Variants in GALNT6 observed in about 807,000 individuals in gnomAD.
The protein encoded by GALNT6 is polypeptide N-acetylgalactosaminyltransferase 6.
Under a neutral mutation model 65.9 loss-of-function variants are expected in GALNT6, and 51 were observed. The ratio of observed to expected loss-of-function variants is 0.77; its 90% confidence interval spans 0.62 to 0.98. GALNT6 has a LOEUF of 0.98. Among genes scored for constraint, GALNT6 ranks in the 50% least tolerant of loss-of-function variants. The pLI is 0.00. For synonymous variants in GALNT6, 323 were observed against 315.1 expected (o/e 1.02, Z -0.26); for missense variants, 708 against 803.3 (o/e 0.88, Z 1.43).
intron 11 of GALNT6, 134 bp from the exon 12 acceptor site, chr12:51,354,626 C>G: frequency 1.7e-6 from 1 of 603,352 alleles, no homozygotes; most frequent in Non-Finnish European, 2.9e-6. Context: ...CTTCCCCATT[C>G]CTTTCCTGCC....
intron 2 of GALNT6, among the ~76,000 whole-genome samples, chr12:51,385,196 C>G (rs754104219): frequency 4.5e-4 from 69 of 152,058 alleles, no homozygotes; most frequent in Non-Finnish European, 8.8e-4. Flanking sequence ...ACTATGCTGC[C>G]CAGGCTGGTC....
At chr12:51,356,764 A>G (rs1188023214) in intron 10 of GALNT6, among the ~76,000 whole-genome samples, 2 of 143,788 alleles carry the variant, frequency 1.4e-5, no homozygotes, top group African/African-American at 2.5e-5. Context: ...TTGCTAATAC[A>G]TTACTATTAA....
rs1172855125 is a variant in GALNT6, at chr12:51,352,410, T to C, written c.*1969A>G. 1 of 152,232 alleles carries C rather than the reference T, an allele frequency of 6.6e-6. No individual in the cohort carries two copies. Among genetic ancestry groups the C allele is most frequent in the African/African-American group, 2.4e-5 (1 of 41,464 alleles). 9.4% of individuals were successfully genotyped at this position (152,232 alleles called of 1,614,324 possible). A position where few individuals can be genotyped will look rare whatever the true frequency, so the allele number is the denominator to read the frequency against. ...CACTTACCTGGACTCAGTTTCATAATATGAAAATGATAGGGTTGGGCTACG... is the reference window on the plus strand; with the variant it reads ...CACTTACCTGGACTCAGTTTCATAACATGAAAATGATAGGGTTGGGCTACG... On this transcript the variant is annotated 3_prime_UTR_variant, in exon 12 of 12. Transcript: ENST00000356317.
At chr12:51,375,258 C>T (rs1308159102) in intron 4 of GALNT6, among the ~76,000 whole-genome samples, 1 of 152,162 alleles carries the variant, frequency 6.6e-6, no homozygotes, top group Non-Finnish European at 1.5e-5. Flanking sequence ...ACATTCATGT[C>T]TTTAGGACTG....
intron 7 of GALNT6, 131 bp from the exon 8 acceptor site, chr12:51,359,463 C>T: frequency 1.6e-6 from 1 of 613,528 alleles, no homozygotes; most frequent in Non-Finnish European, 2.9e-6. Flanking sequence ...GCTCTCTCTC[C>T]CTGGGAAAAA....
intron 2 of GALNT6, among the ~76,000 whole-genome samples, chr12:51,383,742 G>A (rs973273800): frequency 6.6e-6 from 1 of 152,090 alleles, no homozygotes; most frequent in Non-Finnish European, 1.5e-5. Flanking sequence ...CCTTGGTGGT[G>A]AGGCACTCAT....
Position 51,353,030 on chromosome 12 carries a change from A to C in GALNT6, c.*1349T>G, listed in dbSNP as rs1163133740. The C allele has an allele frequency of 6.6e-6, 1 of 152,194 alleles. No individual in the cohort carries two copies. Among genetic ancestry groups the C allele is most frequent in the Non-Finnish European group, 1.5e-5 (1 of 68,132 alleles). 9.4% of individuals were successfully genotyped at this position (152,194 alleles called of 1,614,324 possible). On this transcript the variant is annotated 3_prime_UTR_variant, in exon 12 of 12. Transcript: ENST00000356317. The stretch of plus-strand genomic sequence containing the variant: ...CAGCTAGAAATGATTAGAATGGAGG[A>C]AGAGGGAATGAGAAGGCTGGTGGCG...
Position 51,387,935 on chromosome 12 carries a change from G to A in GALNT6, c.-104+2915C>T, listed in dbSNP as rs1039869335. Among the ~76,000 whole-genome samples, 1 of 152,166 alleles carries A rather than the reference G, an allele frequency of 6.6e-6. No individual in the cohort carries two copies. Among genetic ancestry groups the A allele is most frequent in the Admixed American group, 6.5e-5 (1 of 15,278 alleles). ...TCTCCTCATCCCCCAGTCTGCTCTT[G>A]GCTGCAGAACTTTCACCCGGGGCCA... On this transcript the variant is annotated intron_variant, in intron 2 of 11. Transcript: ENST00000356317. This position sits in a 1 kb window ranked among gnomAD's most constrained non-coding sequence, Gnocchi z 4.2.
intron 2 of GALNT6, among the ~76,000 whole-genome samples, chr12:51,380,615 A>G (rs1395178048): frequency 6.6e-6 from 1 of 152,240 alleles, no homozygotes; most frequent in African/African-American, 2.4e-5. Flanking sequence ...ACATGGTGAA[A>G]CCCTGTCTCT....
Position 51,379,807 on chromosome 12 carries a change from C to T in GALNT6, c.-26G>A. The T allele has an allele frequency of 6.3e-7, 1 of 1,580,884 alleles. No individual in the cohort carries two copies. Among genetic ancestry groups the T allele is most frequent in the Non-Finnish European group, 8.6e-7 (1 of 1,168,038 alleles). On this transcript the variant is annotated 5_prime_UTR_variant, in exon 3 of 12. Transcript: ENST00000356317. ...CCTCCAGAACCAAGGGGCACCCCAG[C>T]TGCGTCAGCTCTGAGTCCTGAGCCC... is the stretch of plus-strand genomic sequence containing the variant.
intron 4 of GALNT6, among the ~76,000 whole-genome samples, chr12:51,371,057 TATTATTATTATTA>T (rs1366895715): frequency 0.013 from 10 of 762 alleles, no homozygotes; most frequent in Non-Finnish European, 0.1. Flanking sequence ...TTTAAAAAAT[TATTATTATTATTA>T]TTATTATTAT....
intron 10 of GALNT6, among the ~76,000 whole-genome samples, chr12:51,357,084 T>C (rs1054165011): frequency 1.3e-5 from 2 of 151,866 alleles, no homozygotes; most frequent in Non-Finnish European, 2.9e-5. Context: ...CCCCTAAATA[T>C]CCCCCAGCAG....
chr12:51,360,958 G>T, intron 6 of GALNT6, 120 bp from the exon 7 acceptor site: 1 of 639,720 alleles, frequency 1.6e-6, no homozygotes, highest in Non-Finnish European at 2.9e-6. Flanking sequence ...CTCTTTCTCA[G>T]GACGTGCAGC....
At chr12:51,354,853 C>T (rs1304095860) in intron 11 of GALNT6, among the ~76,000 whole-genome samples, 2 of 152,206 alleles carry the variant, frequency 1.3e-5, no homozygotes, top group African/African-American at 4.8e-5. Context: ...AGACTGCTCC[C>T]TTCCCTGCAG....
intron 11 of GALNT6, 149 bp from the exon 12 acceptor site, chr12:51,354,641 C>T: frequency 1.7e-6 from 1 of 591,250 alleles, no homozygotes; most frequent in Non-Finnish European, 3.0e-6. Flanking sequence ...CCTGCCCTCT[C>T]ATGAGACACA....
At chr12:51,374,129 G>C (rs1176512423) in intron 4 of GALNT6, among the ~76,000 whole-genome samples, 1 of 151,972 alleles carries the variant, frequency 6.6e-6, no homozygotes, top group African/African-American at 2.4e-5. Flanking sequence ...CAAAGTTCTG[G>C]GATTACAGGC....
intron 6 of GALNT6, among the ~76,000 whole-genome samples, chr12:51,363,354 T>C (rs1027565933): frequency 6.6e-6 from 1 of 152,202 alleles, no homozygotes; most frequent in Non-Finnish European, 1.5e-5. Flanking sequence ...AAACTGTGGG[T>C]TGACTTCCAA....
At chr12:51,373,573 C>T (rs2137682446) in intron 4 of GALNT6, among the ~76,000 whole-genome samples, 1 of 152,260 alleles carries the variant, frequency 6.6e-6, no homozygotes, top group African/African-American at 2.4e-5. Flanking sequence ...TGGACTAATA[C>T]ACTCCAGTAC....
chr12:51,364,688 G>T (rs146209940), intron 5 of GALNT6, among the ~76,000 whole-genome samples: 168 of 152,356 alleles, frequency 1.1e-3, no homozygotes, highest in African/African-American at 3.8e-3. Context: ...GGGCCCACGT[G>T]TGGATTTCAG....
Sources: gnomAD v4.1 joint callset for allele counts (sites outside exome capture counted in the v4.1 genomes callset) on GRCh38, gnomAD v4.1.1 for gene constraint, Gnocchi (gnomAD v3.1) non-coding constraint, MANE v1.5 for transcripts, NCBI Gene and HGNC (gene_info 2026-07-23, HGNC 2026-07-21) for gene names.